DNAH8: variants seen among roughly 807,000 people sequenced by gnomAD.
DNAH8 encodes the protein axonemal beta dynein heavy chain 8.
A neutral mutation model predicts 562.1 loss-of-function variants in DNAH8; 382 were observed. The observed-to-expected ratio is 0.68, with a 90% CI of 0.63 to 0.74. DNAH8 has a LOEUF of 0.74. Among genes scored for constraint, DNAH8 ranks in the 30% least tolerant of loss-of-function variants. The probability of loss-of-function intolerance (pLI) is 0.00; values close to 1 mark genes in which losing one functional copy is unlikely to be tolerated. For missense variants in DNAH8, 5,203 were observed against 5,620.4 expected (o/e 0.93, Z 2.37); for synonymous variants, 1,881 against 1,919.4 (o/e 0.98, Z 0.52).
In DNAH8 at chr6:38,715,944, A is replaced by T. The variant is rs1562520663; in HGVS notation, c.-35+529A>T. Among the ~76,000 whole-genome samples the T allele has an allele frequency of 1.6e-3, 35 of 22,440 alleles. 4 individuals carry two copies. The East Asian group carries it at 0.02, about 13-fold the overall frequency. The allele number at this position is 22,440 out of a possible 152,430, so 14.7% of individuals were successfully genotyped here. ...TAAATAAATATATATATATATATAT[A>T]TATATATATATATATATTTTTTTTT... On this transcript the variant is annotated intron_variant, in intron 1 of 92. Coordinates refer to ENST00000327475, the MANE Select transcript of DNAH8 (RefSeq NM_001206927.2).
Position 39,030,275 on chromosome 6 carries a change from T to C in DNAH8, c.14007T>C (p.Ile4669=). 6.2e-7 allele frequency: 1 copy of C among 1,614,172 alleles called. No individual in the cohort carries two copies. ...ACCCCAAGCTGTATGTGTGTCCTAT[T>C]TACAAGAAACCCAGGCGAACTGATT... ...PKDPKLYVCP[I]YKKPRRTDLT... The change falls in exon 93 of 93, where the codon ATT becomes ATC. Residue 4669 remains isoleucine, a synonymous_variant. Coordinates refer to ENST00000327475, the MANE Select transcript of DNAH8 (RefSeq NM_001206927.2).
intron 33 of DNAH8, among the ~76,000 whole-genome samples, chr6:38,839,819 T>G (rs1774629298): frequency 1.3e-5 from 2 of 152,106 alleles, no homozygotes. Context: ...TGTGCCACCA[T>G]GCCCGGCTAA....
chr6:38,982,309 G>T, intron 85 of DNAH8, 37 bp from the exon 86 acceptor site: 1 of 859,996 alleles, frequency 1.2e-6, no homozygotes, highest in Non-Finnish European at 2.0e-6. Flanking sequence ...ATGGAATCAG[G>T]TACATGCAAT....
chr6:38,912,193 G>GT (rs532559813), intron 66 of DNAH8, among the ~76,000 whole-genome samples: 337 of 152,284 alleles, frequency 2.2e-3, no homozygotes, highest in Admixed American at 4.4e-3. Flanking sequence ...GCTGAGTATG[G>GT]TGGCTGATGC....
At chr6:38,848,521 G>A (rs925659741) in intron 36 of DNAH8, 127 bp from the exon 37 acceptor site, 5 of 696,196 alleles carry the variant, frequency 7.2e-6, no homozygotes, top group African/African-American at 1.8e-5. Flanking sequence ...ATATCTATTA[G>A]GAACTGCCCT....
intron 35 of DNAH8, among the ~76,000 whole-genome samples, chr6:38,843,141 A>G (rs1443515037): frequency 6.6e-6 from 1 of 151,874 alleles, no homozygotes; most frequent in Non-Finnish European, 1.5e-5. Context: ...GAACCCTTCA[A>G]TACATCTTCC....
At chr6:38,863,039 A>T (rs932885551) in intron 44 of DNAH8, among the ~76,000 whole-genome samples, 8 of 152,164 alleles carry the variant, frequency 5.3e-5, no homozygotes, top group African/African-American at 1.9e-4. Context: ...CTCCAGAATT[A>T]TATCTCTAGC....
chr6:38,835,453 A>G lies in DNAH8; in HGVS notation c.4365+812A>G, dbSNP rs571371389. On this transcript the variant is annotated intron_variant, in intron 32 of 92. Coordinates refer to ENST00000327475, the MANE Select transcript of DNAH8 (RefSeq NM_001206927.2). ...AGCTAGAGAGAAAACTGCAAGTGCGATGAGAGCTGTGACCTAGGTATGTGA... is the reference window on the plus strand; with the variant it reads ...AGCTAGAGAGAAAACTGCAAGTGCGGTGAGAGCTGTGACCTAGGTATGTGA... Among the ~76,000 whole-genome samples, 34 of 152,320 alleles carry G rather than the reference A, an allele frequency of 2.2e-4. 2 individuals are homozygous for G. In the East Asian group the frequency reaches 5.4e-3, roughly 24 times the overall value.
In DNAH8 at chr6:38,909,699, T is replaced by C. The variant is rs1482940355; in HGVS notation, c.9695T>C (p.Leu3232Pro). Residue 3232 changes from leucine (L) to proline (P), a missense_variant, in exon 65 of 93, where the codon CTG becomes CCG. Coordinates refer to ENST00000327475, the MANE Select transcript of DNAH8 (RefSeq NM_001206927.2). The stretch of plus-strand genomic sequence containing the variant: ...AGACAAGTTGTAGAAACAATGGGCC[T>C]GTTTCATGACATGGTTTCAGAGAGC... ...IKRQVVETMGLFHDMVSESCE... is the reference protein window; with the variant it reads ...IKRQVVETMGPFHDMVSESCE... 6.2e-7 allele frequency: 1 copy of C among 1,614,144 alleles called. No homozygotes were observed. The highest frequency in any genetic ancestry group is 8.5e-7 in the Non-Finnish European group (1 of 1,179,986).
At chr6:38,901,935 C>T (rs544653446) in intron 62 of DNAH8, among the ~76,000 whole-genome samples, 1 of 152,186 alleles carries the variant, frequency 6.6e-6, no homozygotes, top group South Asian at 2.1e-4. Context: ...ATCTGGCAAC[C>T]TAGGGCCTAC....
chr6:38,898,308 G>A lies in DNAH8; in HGVS notation c.8991G>A (p.Gln2997=). ...AAAAACTCCAGTTTTACCAGAGACA[G>A]TTCAATGAAATCATTAGAGGAACAT... The part of the protein sequence containing the change: ...LAEKLQFYQR[Q]FNEIIRGTSL... The change falls in exon 61 of 93, where the codon CAG becomes CAA. Residue 2997 remains glutamine, a synonymous_variant. Transcript: ENST00000327475. The A allele has an allele frequency of 6.3e-7, 1 of 1,590,510 alleles. No homozygotes were observed.
chr6:38,999,864 A>G (rs1476178035), intron 88 of DNAH8, among the ~76,000 whole-genome samples: 2 of 151,670 alleles, frequency 1.3e-5, no homozygotes, highest in African/African-American at 4.8e-5. Context: ...ATTAGAAATG[A>G]ATGTTCCTAA....
chr6:38,723,334 T>C lies in DNAH8; in HGVS notation c.391-3T>C. 1 of 1,595,392 alleles carries C rather than the reference T, an allele frequency of 6.3e-7. No homozygotes were observed. Among genetic ancestry groups the C allele is most frequent in the Non-Finnish European group, 8.5e-7 (1 of 1,175,456 alleles). ...ATTTTTGAACTTGGTTTTCATTCCT[T>C]AGGCAAGATTTAGAGAGGCAAGGGA... On this transcript the variant is annotated splice_region_variant and splice_polypyrimidine_tract_variant and intron_variant, in intron 2 of 92. Transcript: ENST00000327475.
intron 15 of DNAH8, 123 bp downstream of exon 15, chr6:38,780,188 TTGAC>T: frequency 2.2e-6 from 2 of 918,072 alleles, no homozygotes; most frequent in Non-Finnish European, 3.3e-6. Flanking sequence ...CTAAGGAGCA[TTGAC>T]GCTCCCTTCT....
chr6:38,923,917 A>C (rs1781913127), intron 72 of DNAH8, 74 bp from the exon 73 acceptor site: 3 of 1,518,126 alleles, frequency 2.0e-6, no homozygotes, highest in Non-Finnish European at 2.7e-6. Context: ...GTAACAGAGC[A>C]AAACTGTGAC....
In DNAH8 at chr6:38,790,241, A is replaced by G. The variant is rs1562794286; in HGVS notation, c.2665-48A>G. ...GTGATAAATCCTCTTCTATAAGTGC[A>G]GATGCTCCTGTTGATAATAGAAGCA... is the stretch of plus-strand genomic sequence containing the variant. On this transcript the variant is annotated intron_variant, in intron 19 of 92. Coordinates refer to ENST00000327475, the MANE Select transcript of DNAH8 (RefSeq NM_001206927.2). 7 of 953,252 alleles carry G rather than the reference A, an allele frequency of 7.3e-6. No homozygotes were observed. The South Asian group carries it at 8.1e-5, about 11-fold the overall frequency. The allele number at this position is 953,252 out of a possible 1,614,324, so 59.0% of individuals were successfully genotyped here. A position where few individuals can be genotyped will look rare whatever the true frequency, so the allele number is the denominator to read the frequency against.
chr6:38,997,561 A>G (rs953040420), intron 88 of DNAH8, among the ~76,000 whole-genome samples: 2 of 152,080 alleles, frequency 1.3e-5, no homozygotes, highest in African/African-American at 4.8e-5. Context: ...ATATAAATGA[A>G]TGGGGTGAGA....
At chr6:38,879,086 G>A (rs1180741812) in intron 53 of DNAH8, among the ~76,000 whole-genome samples, 5 of 152,054 alleles carry the variant, frequency 3.3e-5, no homozygotes, top group African/African-American at 4.8e-5. Context: ...AATTGAATTT[G>A]TAGTTAAAAA....
chr6:38,811,212 T>C (rs550098224), intron 24 of DNAH8, among the ~76,000 whole-genome samples: 37 of 152,224 alleles, frequency 2.4e-4, no homozygotes, highest in Non-Finnish European at 4.7e-4. Flanking sequence ...CATTGTCTTC[T>C]TCTGGAACTC....
Sources: gnomAD v4.1 joint callset for allele counts (sites outside exome capture counted in the v4.1 genomes callset) on GRCh38, gnomAD v4.1.1 for gene constraint, MANE v1.5 for transcripts, NCBI Gene and HGNC (gene_info 2026-07-23, HGNC 2026-07-21) for gene names.